DNTTIP2: variants seen among roughly 807,000 people sequenced by gnomAD.
The protein encoded by DNTTIP2 is deoxynucleotidyltransferase terminal-interacting protein 2.
Under a neutral mutation model 62.4 loss-of-function variants are expected in DNTTIP2, and 47 were observed. That is an observed-to-expected ratio of 0.75 (90% CI 0.60 to 0.96). The LOEUF (loss-of-function observed/expected upper bound fraction) is 0.96, where lower values mean the gene tolerates loss of function less well. Among genes scored for constraint, DNTTIP2 ranks in the 40% least tolerant of loss-of-function variants. The probability of loss-of-function intolerance (pLI) is 0.00; values close to 1 mark genes in which losing one functional copy is unlikely to be tolerated. For missense variants in DNTTIP2, 870 were observed against 849.1 expected, an observed-to-expected ratio of 1.02 and a Z score of -0.31; for synonymous variants, 322 against 300.9, an observed-to-expected ratio of 1.07 and a Z score of -0.73.
Position 93,876,299 on chromosome 1 carries a change from C to T in DNTTIP2, c.1636G>A (p.Glu546Lys). The change falls in exon 2 of 7, where the codon GAA (glutamate) becomes AAA (lysine). Residue 546 changes from glutamate (E) to lysine (K), a missense_variant. Glu to Lys is a moderately conservative substitution (Grantham distance 56, BLOSUM62 1). Coordinates refer to ENST00000436063, the MANE Select transcript of DNTTIP2 (RefSeq NM_014597.5). ...GCCTTTGTGCTATTTAGGAAGTCTT[C>T]TTCATCACTAAACTCATCTTCATTT... ...DENEDEFSDE[E>K]DFLNSTKAKL... 1.9e-6 allele frequency: 3 copies of T among 1,546,714 alleles called. No individual in the cohort carries two copies. The African/African-American group carries it at 4.1e-5, about 21-fold the overall frequency.
At chr1:93,871,487 A>G (rs897869438) in intron 5 of DNTTIP2, among the ~76,000 whole-genome samples, 3 of 149,732 alleles carry the variant, frequency 2.0e-5, no homozygotes, top group Admixed American at 1.3e-4. Context: ...CAAACAAACA[A>G]GAACTATGGA....
Position 93,876,309 on chromosome 1 carries a change from A to G in DNTTIP2, c.1626T>C (p.Phe542=). 6.4e-7 allele frequency: 1 copy of G among 1,551,038 alleles called. No homozygotes were observed. Among genetic ancestry groups the G allele is most frequent in the Non-Finnish European group, 8.7e-7 (1 of 1,146,898 alleles). Residue 542 remains phenylalanine, a synonymous_variant, in exon 2 of 7, where the codon TTT becomes TTC. Transcript: ENST00000436063. Reference sequence around the variant, plus strand: ...TATTTAGGAAGTCTTCTTCATCACTAAACTCATCTTCATTTTCGTCATGGT... The same window carrying G: ...TATTTAGGAAGTCTTCTTCATCACTGAACTCATCTTCATTTTCGTCATGGT... ...SSDHDENEDE[F]SDEEDFLNST... is the part of the protein sequence containing the mutation.
intron 3 of DNTTIP2, among the ~76,000 whole-genome samples, chr1:93,874,341 A>G (rs1655945099): frequency 1.3e-5 from 2 of 152,192 alleles, no homozygotes; most frequent in South Asian, 4.1e-4. Flanking sequence ...AGCCCAAAAC[A>G]TCAGTAGTGC....
chr1:93,877,321 C>T lies in DNTTIP2; in HGVS notation c.614G>A (p.Ser205Asn). Residue 205 changes from serine (S) to asparagine (N), a missense_variant, in exon 2 of 7, where the codon AGT becomes AAT. Ser to Asn is a conservative substitution (Grantham distance 46, BLOSUM62 1). Coordinates refer to ENST00000436063, the MANE Select transcript of DNTTIP2 (RefSeq NM_014597.5). The part of the protein sequence containing the change: ...FSGIATRRTR[S>N]MQRKLKAQTE... ...TTGTGCCTTTAATTTCCTCTGCATA[C>T]TCCTGGTTCTTCTAGTTGCAATTCC... is the stretch of plus-strand genomic sequence containing the variant. 2 of 1,613,708 alleles carry T rather than the reference C, an allele frequency of 1.2e-6. No individual in the cohort carries two copies. Among genetic ancestry groups the T allele is most frequent in the Non-Finnish European group, 1.7e-6 (2 of 1,179,846 alleles).
intron 3 of DNTTIP2, chr1:93,873,419 C>A: frequency 2.7e-6 from 1 of 374,226 alleles, no homozygotes; most frequent in Non-Finnish European, 4.7e-6. Context: ...TAGCAAGACC[C>A]TGACTGTAAA....
chr1:93,874,659 T>C (rs922572633), intron 3 of DNTTIP2, among the ~76,000 whole-genome samples: 1 of 152,110 alleles, frequency 6.6e-6, no homozygotes, highest in African/African-American at 2.4e-5. Flanking sequence ...GTGTGGTGTG[T>C]TTTTTGGGGC....
intron 5 of DNTTIP2, chr1:93,871,001 C>G: frequency 3.0e-6 from 1 of 336,374 alleles, no homozygotes; most frequent in Non-Finnish European, 5.3e-6. Flanking sequence ...TATAGTAGAT[C>G]CAAAATTTCT....
In DNTTIP2 at chr1:93,869,817, G is replaced by A. The variant is rs1372788647; in HGVS notation, c.*34C>T. ...ACGTCTTTAATAAGTAAATAAAGGAGCAATGTAAAATGTTGCAGTTTGCTT... is the reference window on the plus strand; with the variant it reads ...ACGTCTTTAATAAGTAAATAAAGGAACAATGTAAAATGTTGCAGTTTGCTT... On this transcript the variant is annotated 3_prime_UTR_variant, in exon 7 of 7. Transcript: ENST00000436063. The A allele has an allele frequency of 6.5e-6, 5 of 773,432 alleles. No individual in the cohort carries two copies. Among genetic ancestry groups the A allele is most frequent in the Non-Finnish European group, 9.7e-6 (4 of 414,266 alleles). The allele number at this position is 773,432 out of a possible 1,614,324, so 47.9% of individuals were successfully genotyped here.
In DNTTIP2 at chr1:93,876,361, T is replaced by A. The variant is rs1394172569; in HGVS notation, c.1574A>T (p.Asp525Val). 1 of 1,563,958 alleles carries A rather than the reference T, an allele frequency of 6.4e-7. No individual in the cohort carries two copies. Residue 525 changes from aspartate to valine, a missense_variant, in exon 2 of 7, where the codon GAT becomes GTT. By Grantham distance (152) the Asp-to-Val change is radical. Transcript: ENST00000436063. ...TGATGAATCTTCTTCACTTTTTTCATCCTCTTCCTCTTCTTTTTCTTCCTC... is the reference window on the plus strand; with the variant it reads ...TGATGAATCTTCTTCACTTTTTTCAACCTCTTCCTCTTCTTTTTCTTCCTC... ...AIEEEKEEEE[D>V]EKSEEDSSDH...
Position 93,867,818 on chromosome 1 carries a change from T to G in DNTTIP2, c.*2033A>C, listed in dbSNP as rs1050057550. 1.3e-5 allele frequency: 2 copies of G among 151,656 alleles called. No homozygotes were observed. The highest frequency in any genetic ancestry group is 4.9e-5 in the African/African-American group (2 of 41,210). 9.4% of individuals were successfully genotyped at this position (151,656 alleles called of 1,614,324 possible). A position where few individuals can be genotyped will look rare whatever the true frequency, so the allele number is the denominator to read the frequency against. ...ATAGTATTCCAGAAACAAAAGTAGT[T>G]TTTTTTTAAAATAAAAGAGAACAGA... On this transcript the variant is annotated 3_prime_UTR_variant, in exon 7 of 7. Transcript: ENST00000436063.
In DNTTIP2 at chr1:93,872,090, G is replaced by A; in HGVS notation, c.2049C>T (p.Gly683=). Residue 683 remains glycine, a synonymous_variant, in exon 5 of 7, where the codon GGC becomes GGT. Coordinates refer to ENST00000436063, the MANE Select transcript of DNTTIP2 (RefSeq NM_014597.5). The part of the protein sequence containing the change: ...KRFYKKNDRD[G]FPKYFQIGTI... The stretch of plus-strand genomic sequence containing the variant: ...TTCATACCTGGAAGTACTTGGGGAA[G>A]CCATCTCTATCATTTTTCTTGTAAA... The A allele has an allele frequency of 6.2e-7, 1 of 1,613,742 alleles. No homozygotes were observed. The highest frequency in any genetic ancestry group is 1.3e-5 in the African/African-American group (1 of 75,036).
rs1655732853 is a variant in DNTTIP2 at position 93,866,787 on chromosome 1, G to A, written c.*3064C>T. 4 of 152,214 alleles carry A rather than the reference G, an allele frequency of 2.6e-5. No homozygotes were observed. Among genetic ancestry groups the A allele is most frequent in the Admixed American group, 2.6e-4 (4 of 15,280 alleles). 9.4% of individuals were successfully genotyped at this position (152,214 alleles called of 1,614,324 possible). On this transcript the variant is annotated 3_prime_UTR_variant, in exon 7 of 7. Coordinates refer to ENST00000436063, the MANE Select transcript of DNTTIP2 (RefSeq NM_014597.5). Reference sequence around the variant, plus strand: ...GAACACAGAACTGATTGTGTTGGATGCTAAGAACCTAGCCCAGAGCCCAAC... The same window carrying A: ...GAACACAGAACTGATTGTGTTGGATACTAAGAACCTAGCCCAGAGCCCAAC...
Position 93,879,059 on chromosome 1 carries a change from G to T in DNTTIP2, c.72+18C>A. On this transcript the variant is annotated intron_variant, in intron 1 of 6. Transcript: ENST00000436063. The stretch of plus-strand genomic sequence containing the variant: ...GCTCTGCGAAGCGGCGAGAAGTAGG[G>T]AAGACTGGATTTCCTACCTTTTGCC... The T allele has an allele frequency of 6.2e-7, 1 of 1,613,170 alleles. No homozygotes were observed. Among genetic ancestry groups the T allele is most frequent in the South Asian group, 1.1e-5 (1 of 91,080 alleles).
intron 3 of DNTTIP2, among the ~76,000 whole-genome samples, chr1:93,873,556 T>G (rs1655923951): frequency 1.3e-5 from 2 of 149,380 alleles, no homozygotes; most frequent in South Asian, 4.2e-4. Flanking sequence ...AAGCTATGAC[T>G]GTGCCACTCA....
At chr1:93,876,197 A>G in intron 2 of DNTTIP2, 71 bp downstream of exon 2, 2 of 1,349,558 alleles carry the variant, frequency 1.5e-6, no homozygotes, top group Non-Finnish European at 2.0e-6. Context: ...CTAACATTTC[A>G]TATTTTTATG....
intron 5 of DNTTIP2, among the ~76,000 whole-genome samples, chr1:93,871,565 T>C (rs1178039089): frequency 6.6e-6 from 1 of 152,140 alleles, no homozygotes; most frequent in African/African-American, 2.4e-5. Flanking sequence ...GCTAAGTGTG[T>C]TGGAATTTGT....
Position 93,867,168 on chromosome 1 carries a change from T to C in DNTTIP2, c.*2683A>G, listed in dbSNP as rs1045930969. On this transcript the variant is annotated 3_prime_UTR_variant, in exon 7 of 7. Transcript: ENST00000436063. ...CAAAAAAAAAAAAAAAAAAAGCATCTTGGAGCCAGATGGTGTATAAATACA... is the reference window on the plus strand; with the variant it reads ...CAAAAAAAAAAAAAAAAAAAGCATCCTGGAGCCAGATGGTGTATAAATACA... 1.2e-4 allele frequency: 17 copies of C among 142,322 alleles called. No homozygotes were observed. The highest frequency in any genetic ancestry group is 4.6e-4 in the African/African-American group (17 of 36,740). The allele number at this position is 142,322 out of a possible 1,614,324, so 8.8% of individuals were successfully genotyped here.
At position 93,879,153 on chromosome 1, in the gene DNTTIP2, C is replaced by A; in HGVS notation, c.-5G>T. The A allele has an allele frequency of 6.2e-7, 1 of 1,612,374 alleles. No homozygotes were observed. Among genetic ancestry groups the A allele is most frequent in the Non-Finnish European group, 8.5e-7 (1 of 1,179,520 alleles). On this transcript the variant is annotated 5_prime_UTR_variant, in exon 1 of 7. Transcript: ENST00000436063. ...TGCAGATCTGGTAACCACCATCTTT[C>A]CGGCTCCCTCGCGACCACCACGACT...
chr1:93,874,108 G>A (rs187340522), intron 3 of DNTTIP2, among the ~76,000 whole-genome samples: 27 of 152,286 alleles, frequency 1.8e-4, no homozygotes, highest in Admixed American at 1.7e-3. Context: ...TCATAAAAGG[G>A]GGCATGATAT....
Sources: gnomAD v4.1 joint callset for allele counts (sites outside exome capture counted in the v4.1 genomes callset) on GRCh38, gnomAD v4.1.1 for gene constraint, MANE v1.5 for transcripts, NCBI Gene and HGNC (gene_info 2026-07-23, HGNC 2026-07-21) for gene names.